LRP1B: variants seen among roughly 807,000 people sequenced by gnomAD.
LRP1B encodes the protein low-density lipoprotein receptor-related protein 1B.
Under a neutral mutation model 556.6 loss-of-function variants are expected in LRP1B, and 217 were observed. The ratio of observed to expected loss-of-function variants is 0.39; its 90% CI spans 0.35 to 0.44. LRP1B has a LOEUF of 0.44. LRP1B is among the 20% of genes least tolerant of loss of function. LRP1B has a pLI of 1.00. For synonymous variants in LRP1B, 2,047 were observed against 1,865.8 expected (o/e 1.10, Z -2.50); for missense variants, 5,053 against 5,620.8 (o/e 0.90, Z 3.23).
intron 18 of LRP1B, among the ~76,000 whole-genome samples, chr2:140,961,006 G>A (rs2105314873): frequency 6.6e-6 from 1 of 151,876 alleles, no homozygotes; most frequent in Admixed American, 6.6e-5. Context: ...TAATAAAGAA[G>A]TTGTAGTTAA....
At chr2:140,948,515 A>G (rs1695609675) in intron 20 of LRP1B, among the ~76,000 whole-genome samples, 1 of 152,248 alleles carries the variant, frequency 6.6e-6, no homozygotes, top group African/African-American at 2.4e-5. Flanking sequence ...TGAGGTCTTG[A>G]ACTTATTACA....
chr2:140,777,665 A>G (rs566157722), intron 32 of LRP1B, among the ~76,000 whole-genome samples: 12 of 152,320 alleles, frequency 7.9e-5, no homozygotes, highest in African/African-American at 2.2e-4. Context: ...AGGTGCACAA[A>G]TAATAATTTA....
intron 2 of LRP1B, among the ~76,000 whole-genome samples, chr2:141,623,553 T>C (rs924558200): frequency 1.3e-5 from 2 of 152,158 alleles, no homozygotes; most frequent in Non-Finnish European, 2.9e-5. Context: ...TTTGGTCTTA[T>C]ATACACCCAC....
At chr2:141,969,530 G>A (rs1268648589) in intron 1 of LRP1B, among the ~76,000 whole-genome samples, 1 of 151,436 alleles carries the variant, frequency 6.6e-6, no homozygotes, top group Non-Finnish European at 1.5e-5. Flanking sequence ...TCTGTGTCTG[G>A]CTTATTTCAC....
intron 43 of LRP1B, among the ~76,000 whole-genome samples, chr2:140,585,538 T>G (rs1160054521): frequency 6.6e-6 from 1 of 152,140 alleles, no homozygotes; most frequent in African/African-American, 2.4e-5. Flanking sequence ...TGGCTGATCT[T>G]AGAGTTGGAA....
chr2:141,864,564 A>G (rs547844499), intron 1 of LRP1B, among the ~76,000 whole-genome samples: 354 of 23,490 alleles, frequency 0.015, 2 homozygotes, highest in East Asian at 0.035. Context: ...ATCTTGAGGG[A>G]AAAAAAAAAA....
At chr2:142,059,264 T>C (rs1398884595) in intron 1 of LRP1B, among the ~76,000 whole-genome samples, 3 of 152,092 alleles carry the variant, frequency 2.0e-5, no homozygotes, top group Admixed American at 6.6e-5. Flanking sequence ...AAAGTCATAA[T>C]GACAATCTGA....
intron 3 of LRP1B, among the ~76,000 whole-genome samples, chr2:141,308,141 G>T (rs1236706136): frequency 6.6e-6 from 1 of 152,182 alleles, no homozygotes. Context: ...TCAGGAATCA[G>T]TATATAACCC....
At chr2:140,322,597 CT>C (rs927500611) in intron 81 of LRP1B, among the ~76,000 whole-genome samples, 23 of 151,404 alleles carry the variant, frequency 1.5e-4, no homozygotes, top group Admixed American at 4.6e-4. Flanking sequence ...AAAAATACGA[CT>C]TTTTTTTTGA....
chr2:140,630,834 G>C (rs1386312716), intron 41 of LRP1B, among the ~76,000 whole-genome samples: 1 of 152,150 alleles, frequency 6.6e-6, no homozygotes, highest in African/African-American at 2.4e-5. Flanking sequence ...TCTAGCCTTA[G>C]TGTCTCACCT....
At chr2:141,002,348 A>G (rs1558793499) in intron 15 of LRP1B, among the ~76,000 whole-genome samples, 1 of 152,078 alleles carries the variant, frequency 6.6e-6, no homozygotes, top group Non-Finnish European at 1.5e-5. Context: ...CCAAGAATTA[A>G]TATGCAGAAG....
chr2:141,680,619 G>T (rs1255220335), intron 2 of LRP1B, among the ~76,000 whole-genome samples: 1 of 152,112 alleles, frequency 6.6e-6, no homozygotes, highest in Admixed American at 6.6e-5. Context: ...CAAAATGAAA[G>T]TATGAGGCAC....
At chr2:140,850,893 T>A (rs957158870) in intron 28 of LRP1B, among the ~76,000 whole-genome samples, 1 of 152,146 alleles carries the variant, frequency 6.6e-6, no homozygotes, top group Non-Finnish European at 1.5e-5. Flanking sequence ...TTGCACTACA[T>A]TTGTAAAATA....
rs1386175613 is a variant in LRP1B at position 140,598,787 on chromosome 2, T to C, written c.7038A>G (p.Arg2346=). The C allele has an allele frequency of 2.5e-6, 4 of 1,612,104 alleles. No homozygotes were observed. The Admixed American group carries it at 5.0e-5, about 20-fold the overall frequency. Residue 2346 remains arginine, a synonymous_variant, in exon 43 of 91, where the codon AGA becomes AGG. Coordinates refer to ENST00000389484, the MANE Select transcript of LRP1B (RefSeq NM_018557.3). ...NWNEQHPSIM[R]STLTGKNAQV... ...GAGCATTTTTCCCAGTCAGAGTAGA[T>C]CTCATGATACTTGGATGTTGTTCAT...
intron 60 of LRP1B, among the ~76,000 whole-genome samples, chr2:140,471,867 C>G (rs961100447): frequency 6.6e-6 from 1 of 152,140 alleles, no homozygotes; most frequent in East Asian, 1.9e-4. Flanking sequence ...TATATGACTT[C>G]CAGTCATAGG....
intron 1 of LRP1B, among the ~76,000 whole-genome samples, chr2:141,928,166 G>A (rs1222042887): frequency 6.6e-6 from 1 of 152,076 alleles, no homozygotes; most frequent in Non-Finnish European, 1.5e-5. Flanking sequence ...ACTTGCCACA[G>A]GGCAAGTCTT....
At chr2:141,696,339 T>C (rs1257720815) in intron 2 of LRP1B, among the ~76,000 whole-genome samples, 1 of 151,976 alleles carries the variant, frequency 6.6e-6, no homozygotes, top group East Asian at 1.9e-4. Context: ...CATGAAATCA[T>C]CAAATAATCA....
chr2:140,583,189 T>A (rs970879780), intron 43 of LRP1B, among the ~76,000 whole-genome samples: 1 of 140,014 alleles, frequency 7.1e-6, no homozygotes, highest in Non-Finnish European at 1.5e-5. Context: ...TTTTTTTTTT[T>A]TTTTGAGACA....
intron 1 of LRP1B, among the ~76,000 whole-genome samples, chr2:141,816,098 C>T (rs1225879821): frequency 1.3e-5 from 2 of 152,108 alleles, no homozygotes; most frequent in East Asian, 1.9e-4. Flanking sequence ...TCCAAATGTT[C>T]ACCTATAGGG....
Sources: allele counts gnomAD v4.1 joint callset (sites outside exome capture counted in the v4.1 genomes callset), GRCh38; gene constraint gnomAD v4.1.1; transcripts MANE v1.5; gene names NCBI Gene and HGNC (gene_info 2026-07-23, HGNC 2026-07-21).